The following RGS7 variants were observed in gnomAD, a reference collection of about 807,000 sequenced individuals.
RGS7 encodes regulator of G-protein signaling 7.
RGS7 carries 27 observed loss-of-function variants against 81.1 expected under a neutral mutation model. The observed-to-expected ratio is 0.33, with a 90% CI of 0.25 to 0.46. The LOEUF is 0.46. Among genes scored for constraint, RGS7 ranks in the 20% least tolerant of loss-of-function variants. The pLI, the probability that RGS7 is intolerant of heterozygous loss-of-function variation, is 1.00. For missense variants in RGS7, 396 were observed against 607.4 expected (o/e 0.65, Z 3.66); for synonymous variants, 208 against 207.7 (o/e 1.00, Z -0.01).
intron 9 of RGS7, among the ~76,000 whole-genome samples, chr1:240,844,953 T>G (rs1245593871): frequency 6.6e-6 from 1 of 152,170 alleles, no homozygotes; most frequent in Non-Finnish European, 1.5e-5. Flanking sequence ...CTAATTTGTT[T>G]CTCATGAACA....
intron 4 of RGS7, among the ~76,000 whole-genome samples, chr1:240,965,738 C>A (rs1242364763): frequency 6.6e-6 from 1 of 152,138 alleles, no homozygotes; most frequent in Non-Finnish European, 1.5e-5. Flanking sequence ...TGACAGAAAT[C>A]TTGGCTCCTG....
intron 4 of RGS7, among the ~76,000 whole-genome samples, chr1:240,952,357 GA>G (rs1273118529): frequency 6.6e-6 from 1 of 152,068 alleles, no homozygotes; most frequent in Admixed American, 6.5e-5. Context: ...CGTAAAGGAA[GA>G]AAGGGATGAA....
intron 2 of RGS7, among the ~76,000 whole-genome samples, chr1:241,157,589 G>C (rs373465407): frequency 6.6e-6 from 1 of 152,120 alleles, no homozygotes; most frequent in Non-Finnish European, 1.5e-5. Context: ...AATTCAGACA[G>C]CTGTTCTAGA....
chr1:241,045,741 C>T (rs915406936), intron 3 of RGS7, among the ~76,000 whole-genome samples: 2 of 152,218 alleles, frequency 1.3e-5, no homozygotes, highest in African/African-American at 4.8e-5. Flanking sequence ...GGTGGATTCT[C>T]ATTGCAACTC....
intron 2 of RGS7, among the ~76,000 whole-genome samples, chr1:241,337,710 C>T (rs768861649): frequency 6.6e-6 from 1 of 152,194 alleles, no homozygotes; most frequent in Non-Finnish European, 1.5e-5. Flanking sequence ...TATACTAAGC[C>T]TGTCACTGCT....
intron 6 of RGS7, among the ~76,000 whole-genome samples, chr1:240,906,403 T>A (rs1299242866): frequency 6.6e-6 from 1 of 152,078 alleles, no homozygotes; most frequent in Non-Finnish European, 1.5e-5. Context: ...AACTCTAGAG[T>A]GTTTCATCTC....
intron 4 of RGS7, among the ~76,000 whole-genome samples, chr1:240,959,747 T>A (rs1020785558): frequency 2.6e-5 from 4 of 152,214 alleles, no homozygotes; most frequent in Non-Finnish European, 5.9e-5. Flanking sequence ...TGATAAAAAA[T>A]TTCAAATGTC....
rs1260943777 is a variant in RGS7 at position 241,147,779 on chromosome 1, T to TA, written c.79-49018_79-49017insT. Among the ~76,000 whole-genome samples the TA allele has an allele frequency of 6.3e-4, 59 of 94,144 alleles. No homozygotes were observed. In the South Asian group the frequency reaches 8.3e-3, roughly 13 times the overall value. The allele number at this position is 94,144 out of a possible 152,430, so 61.8% of individuals were successfully genotyped here. A position where few individuals can be genotyped will look rare whatever the true frequency, so the allele number is the denominator to read the frequency against. On this transcript the variant is annotated intron_variant, in intron 2 of 18. Transcript: ENST00000440928. ...ATTAAATATCCCATCTAGATTAAGT[T>TA]TTATATATATATATATATATATATA...
At chr1:241,335,852 G>T (rs2082214512) in intron 2 of RGS7, among the ~76,000 whole-genome samples, 1 of 152,122 alleles carries the variant, frequency 6.6e-6, no homozygotes, top group Admixed American at 6.6e-5. Context: ...TCAATATGGG[G>T]TTGTGGATTC....
At chr1:241,042,943 G>T (rs1215746432) in intron 3 of RGS7, among the ~76,000 whole-genome samples, 10 of 143,852 alleles carry the variant, frequency 7.0e-5, no homozygotes, top group East Asian at 2.0e-4. Context: ...GTGACAAAGC[G>T]ATACTCCGTC....
chr1:240,792,419 C>A (rs780784052), intron 18 of RGS7, among the ~76,000 whole-genome samples: 27 of 151,312 alleles, frequency 1.8e-4, no homozygotes, highest in Non-Finnish European at 3.1e-4. Context: ...ATGATGATGG[C>A]CCACGTGTAG....
At chr1:241,139,868 A>G (rs1452980996) in intron 2 of RGS7, among the ~76,000 whole-genome samples, 1 of 152,228 alleles carries the variant, frequency 6.6e-6, no homozygotes, top group Non-Finnish European at 1.5e-5. Flanking sequence ...TCCCCAACTT[A>G]GAAAAAAACT....
intron 2 of RGS7, among the ~76,000 whole-genome samples, chr1:241,127,457 C>T (rs2103022373): frequency 6.6e-6 from 1 of 152,264 alleles, no homozygotes; most frequent in South Asian, 2.1e-4. Context: ...AAACCAAACA[C>T]CGCATGTTCT....
intron 3 of RGS7, among the ~76,000 whole-genome samples, chr1:241,048,116 A>C (rs2148795313): frequency 6.6e-6 from 1 of 152,108 alleles, no homozygotes; most frequent in Middle Eastern, 3.4e-3. Flanking sequence ...ATTATTACCA[A>C]GTTTAAAAGG....
intron 18 of RGS7, among the ~76,000 whole-genome samples, chr1:240,787,819 A>G (rs1456008254): frequency 2.0e-5 from 3 of 152,222 alleles, no homozygotes; most frequent in African/African-American, 4.8e-5. Flanking sequence ...AAAATTAGGG[A>G]CATGTAATCT....
At chr1:241,301,192 A>T (rs1328170329) in intron 2 of RGS7, among the ~76,000 whole-genome samples, 1 of 152,236 alleles carries the variant, frequency 6.6e-6, no homozygotes, top group African/African-American at 2.4e-5. Context: ...TACCCTGCAG[A>T]GCTACTATTC....
At chr1:241,031,008 T>G (rs1175689459) in intron 3 of RGS7, among the ~76,000 whole-genome samples, 1 of 152,188 alleles carries the variant, frequency 6.6e-6, no homozygotes, top group African/African-American at 2.4e-5. Context: ...ACAAGTGCAG[T>G]TTTGTTACAT....
At chr1:241,071,090 C>A (rs967779761) in intron 3 of RGS7, among the ~76,000 whole-genome samples, 15 of 152,176 alleles carry the variant, frequency 9.9e-5, no homozygotes, top group African/African-American at 2.9e-4. Flanking sequence ...TTTTTTTCTG[C>A]CTCTATAGAA....
At chr1:241,342,413 A>T (rs1190785563) in intron 2 of RGS7, among the ~76,000 whole-genome samples, 1 of 152,210 alleles carries the variant, frequency 6.6e-6, no homozygotes, top group Non-Finnish European at 1.5e-5. Flanking sequence ...AGTCACTCTA[A>T]TAAGGTCAAA....
Sources: allele counts gnomAD v4.1 joint callset (sites outside exome capture counted in the v4.1 genomes callset), GRCh38; gene constraint gnomAD v4.1.1; transcripts MANE v1.5; gene names NCBI Gene and HGNC (gene_info 2026-07-23, HGNC 2026-07-21).